PTPRK: variants seen among roughly 807,000 people sequenced by gnomAD.
PTPRK encodes receptor-type tyrosine-protein phosphatase kappa.
In PTPRK, 75 loss-of-function variants were observed where a neutral mutation model predicts 178.0. The ratio of observed to expected loss-of-function variants is 0.42; its 90% CI spans 0.35 to 0.51. PTPRK has a LOEUF of 0.51. Ranked by LOEUF, PTPRK falls within the 20% of genes least tolerant of loss-of-function variation. The pLI is 0.02. For synonymous variants in PTPRK, 637 were observed against 620.6 expected (o/e 1.03, Z -0.39); for missense variants, 1,441 against 1,797.8 (o/e 0.80, Z 3.59).
chr6:128,039,762 C>A (rs1776855065), intron 13 of PTPRK, among the ~76,000 whole-genome samples: 1 of 152,156 alleles, frequency 6.6e-6, no homozygotes, highest in South Asian at 2.1e-4. Context: ...CAAGCCTGCT[C>A]TGCATAGTAA....
intron 8 of PTPRK, among the ~76,000 whole-genome samples, chr6:128,088,374 C>CAA (rs111724466): frequency 2.5e-5 from 3 of 121,660 alleles, no homozygotes; most frequent in Admixed American, 1.7e-4. Context: ...AAGACTGTTT[C>CAA]AAAAAAAAAA....
At chr6:128,438,230 C>T (rs1845854619) in intron 1 of PTPRK, among the ~76,000 whole-genome samples, 1 of 152,244 alleles carries the variant, frequency 6.6e-6, no homozygotes, top group Non-Finnish European at 1.5e-5. Flanking sequence ...CCTCCACTGA[C>T]ATCTCTACCT....
intron 1 of PTPRK, among the ~76,000 whole-genome samples, chr6:128,410,862 G>T (rs1842227126): frequency 6.6e-6 from 1 of 152,126 alleles, no homozygotes; most frequent in African/African-American, 2.4e-5. Flanking sequence ...GCCTTCAGTG[G>T]CAAAACTTCC....
intron 13 of PTPRK, among the ~76,000 whole-genome samples, chr6:128,018,660 T>A (rs970380303): frequency 4.6e-5 from 7 of 152,104 alleles, no homozygotes; most frequent in Admixed American, 2.0e-4. Context: ...TATTGAAACA[T>A]GTAAAGTGCT....
chr6:128,257,186 C>G (rs903940529), intron 3 of PTPRK, among the ~76,000 whole-genome samples: 1 of 150,558 alleles, frequency 6.6e-6, no homozygotes, highest in Non-Finnish European at 1.5e-5. Flanking sequence ...GCCCAGATCA[C>G]GCCATTGCAC....
rs201344663 is a variant in PTPRK at position 128,238,208 on chromosome 6, G to C, written c.693+1827C>G. 8.4e-3 allele frequency: 2,131 copies of C among 255,112 alleles called. 53 individuals carry two copies. The highest frequency in any genetic ancestry group is 0.058 in the South Asian group (2,021 of 34,736). The allele number at this position is 255,112 out of a possible 1,614,324, so 15.8% of individuals were successfully genotyped here. A position where few individuals can be genotyped will look rare whatever the true frequency, so the allele number is the denominator to read the frequency against. On this transcript the variant is annotated intron_variant, in intron 5 of 29. Coordinates refer to ENST00000368226, the MANE Select transcript of PTPRK (RefSeq NM_002844.4). The stretch of plus-strand genomic sequence containing the variant: ...GCCAAAAAAAAAAAAAAAAAGAAAA[G>C]AAAAAAAAAAGAGGTGAGGTAGGGG...
chr6:128,506,128 T>C (rs893737872), intron 1 of PTPRK, among the ~76,000 whole-genome samples: 1 of 152,166 alleles, frequency 6.6e-6, no homozygotes, highest in Non-Finnish European at 1.5e-5. Context: ...TCTATAACCA[T>C]TGGGGAAACA....
intron 1 of PTPRK, among the ~76,000 whole-genome samples, chr6:128,503,976 C>T (rs1855945515): frequency 6.6e-6 from 1 of 151,846 alleles, no homozygotes; most frequent in Non-Finnish European, 1.5e-5. Context: ...GGTTCCCGCC[C>T]CAATAAGGTG....
At chr6:128,251,912 C>G (rs1202476994) in intron 3 of PTPRK, among the ~76,000 whole-genome samples, 1 of 152,120 alleles carries the variant, frequency 6.6e-6, no homozygotes, top group Non-Finnish European at 1.5e-5. Flanking sequence ...CATTATCTAA[C>G]AGGGATGACA....
chr6:128,092,815 A>G (rs1787216181), intron 7 of PTPRK, among the ~76,000 whole-genome samples: 1 of 152,182 alleles, frequency 6.6e-6, no homozygotes, highest in African/African-American at 2.4e-5. Context: ...CTCATACCTA[A>G]CCAACAACTG....
chr6:128,212,563 G>T (rs943359776), intron 6 of PTPRK, among the ~76,000 whole-genome samples: 1 of 151,968 alleles, frequency 6.6e-6, no homozygotes, highest in East Asian at 1.9e-4. Flanking sequence ...CTTAGAAAAC[G>T]TGTACAGGCC....
At chr6:128,104,437 C>T (rs569653941) in intron 7 of PTPRK, among the ~76,000 whole-genome samples, 98 of 152,196 alleles carry the variant, frequency 6.4e-4, no homozygotes, top group Non-Finnish European at 1.1e-3. Context: ...TTAGCCAGGA[C>T]GGTCTCGAAC....
At chr6:128,345,651 T>C (rs1391525527) in intron 2 of PTPRK, among the ~76,000 whole-genome samples, 2 of 152,204 alleles carry the variant, frequency 1.3e-5, no homozygotes, top group Non-Finnish European at 1.5e-5. Flanking sequence ...TTTCAATTTA[T>C]TTCTCCTCCA....
At chr6:128,422,660 T>C (rs1247780314) in intron 1 of PTPRK, among the ~76,000 whole-genome samples, 4 of 73,392 alleles carry the variant, frequency 5.5e-5, no homozygotes, top group Middle Eastern at 0.015. Context: ...AAATAGTTTT[T>C]AACATTTCAC....
intron 1 of PTPRK, among the ~76,000 whole-genome samples, chr6:128,435,110 CAGGAAGGCAGGCAGGA>C (rs1562515917): frequency 2.0e-3 from 118 of 58,710 alleles, no homozygotes; most frequent in African/African-American, 5.7e-3. Flanking sequence ...GGAAGGAAGG[CAGGAAGGCAGGCAGGA>C]AGGCAGGCAG....
intron 18 of PTPRK, among the ~76,000 whole-genome samples, chr6:127,993,613 A>G (rs1304701641): frequency 6.6e-6 from 1 of 151,714 alleles, no homozygotes; most frequent in African/African-American, 2.4e-5. Flanking sequence ...AAAATTTAAT[A>G]GCATGAGTAT....
intron 13 of PTPRK, among the ~76,000 whole-genome samples, chr6:128,048,547 A>G (rs764638101): frequency 4.6e-5 from 7 of 152,174 alleles, no homozygotes; most frequent in Non-Finnish European, 8.8e-5. Context: ...TAAAGTAGTA[A>G]TGCCCTAGAC....
chr6:128,292,809 T>C (rs2128307662), intron 3 of PTPRK, among the ~76,000 whole-genome samples: 2 of 152,278 alleles, frequency 1.3e-5, no homozygotes, highest in South Asian at 4.1e-4. Context: ...TTACTTATAA[T>C]TATTTTCACC....
At chr6:128,402,816 A>C (rs1016357620) in intron 1 of PTPRK, among the ~76,000 whole-genome samples, 1 of 152,204 alleles carries the variant, frequency 6.6e-6, no homozygotes, top group Non-Finnish European at 1.5e-5. Flanking sequence ...CATATTTATG[A>C]GTCACTGGTC....
Sources: gnomAD v4.1 joint callset for allele counts (sites outside exome capture counted in the v4.1 genomes callset) on GRCh38, gnomAD v4.1.1 for gene constraint, MANE v1.5 for transcripts, NCBI Gene and HGNC (gene_info 2026-07-23, HGNC 2026-07-21) for gene names.